NTRK2: variants seen among roughly 807,000 people sequenced by gnomAD.
The protein encoded by NTRK2 is neurotrophic receptor tyrosine kinase 2, also known as BDNF/NT-3 growth factors receptor.
In NTRK2, 13 loss-of-function variants were observed where a neutral mutation model predicts 94.5. The ratio of observed to expected loss-of-function variants is 0.14; its 90% confidence interval spans 0.09 to 0.22. The LOEUF is 0.22. Among genes scored for constraint, NTRK2 ranks in the 10% least tolerant of loss-of-function variants. The pLI is 1.00. For synonymous variants in NTRK2, 372 were observed against 407.4 expected, an observed-to-expected ratio of 0.91 and a Z score of 1.05; for missense variants, 639 against 1,071.2, an observed-to-expected ratio of 0.60 and a Z score of 5.63.
intron 17 of NTRK2, among the ~76,000 whole-genome samples, chr9:84,956,794 T>C (rs1445152145): frequency 6.6e-6 from 1 of 152,092 alleles, no homozygotes; most frequent in Admixed American, 6.5e-5. Context: ...ATAATTAGTG[T>C]AAGAAAATTA....
intron 2 of NTRK2, among the ~76,000 whole-genome samples, chr9:84,698,641 C>T (rs1187338): frequency 0.51 from 77,838 of 152,008 alleles, 20,371 homozygotes; most frequent in East Asian, 0.6. Context: ...GTAGTTATAA[C>T]AATTTACACT....
chr9:84,717,503 A>G (rs2131923249), intron 6 of NTRK2, among the ~76,000 whole-genome samples: 1 of 152,370 alleles, frequency 6.6e-6, no homozygotes, highest in East Asian at 1.9e-4. Context: ...GGAGGCAGCC[A>G]GAATGCTCTG....
In NTRK2 at chr9:84,771,323, G is replaced by T. The variant is rs538721601; in HGVS notation, c.1396+19238G>T. Among the ~76,000 whole-genome samples, 4 of 152,310 alleles carry T rather than the reference G, an allele frequency of 2.6e-5. No individual in the cohort carries two copies. In the East Asian group the frequency reaches 7.7e-4, roughly 29 times the overall value. On this transcript the variant is annotated intron_variant, in intron 12 of 18. Transcript: ENST00000277120. ...TGTACCACAGTGCTGTTTAGAAAAT[G>T]ACTTCCTCGGCCCTGAAATGGACCA... is the stretch of plus-strand genomic sequence containing the variant.
intron 8 of NTRK2, 30 bp downstream of exon 8, chr9:84,724,386 A>G (rs1458102670): frequency 1.2e-6 from 2 of 1,613,934 alleles, no homozygotes; most frequent in Non-Finnish European, 1.7e-6. Context: ...TGTGTTTTTA[A>G]TAGCAAATGA....
chr9:84,873,109 G>A (rs777125822), intron 14 of NTRK2: 34 of 1,064,554 alleles, frequency 3.2e-5, no homozygotes, highest in Non-Finnish European at 3.8e-5. Context: ...GCAGACTTCA[G>A]TGCAATCGAA....
intron 12 of NTRK2, among the ~76,000 whole-genome samples, chr9:84,769,876 T>C (rs924081929): frequency 1.3e-5 from 2 of 152,222 alleles, no homozygotes; most frequent in Non-Finnish European, 2.9e-5. Context: ...GAAAAATGAC[T>C]TGATTTACAG....
chr9:84,824,751 C>G (rs1355565665), intron 12 of NTRK2, among the ~76,000 whole-genome samples: 2 of 152,172 alleles, frequency 1.3e-5, no homozygotes, highest in African/African-American at 4.8e-5. Context: ...AAAGGTGGAC[C>G]TTTTGGGGAA....
At position 85,021,398 on chromosome 9, in the gene NTRK2, G is replaced by A. The variant is rs138503321; in HGVS notation, c.2478G>A (p.Leu826=). 2.0e-3 allele frequency: 3,208 copies of A among 1,614,130 alleles called. 1 individual carries two copies. The highest frequency in any genetic ancestry group is 2.5e-3 in the Non-Finnish European group (2,924 of 1,180,020). Residue 826 remains leucine (L), a synonymous_variant, in exon 19 of 19, where the codon TTG becomes TTA. Transcript: ENST00000277120. The stretch of plus-strand genomic sequence containing the variant: ...GCATCCATACCCTCCTTCAGAACTT[G>A]GCCAAGGCATCTCCGGTCTACCTGG... ...IKGIHTLLQN[L]AKASPVYLDI... is the part of the protein sequence containing the mutation.
At position 84,955,487 on chromosome 9, in the gene NTRK2, C is replaced by T. The variant is rs1305330907; in HGVS notation, c.2142C>T (p.Ser714=). The T allele has an allele frequency of 1.9e-6, 3 of 1,614,186 alleles. No individual in the cohort carries two copies. The Admixed American group carries it at 5.0e-5, about 27-fold the overall frequency. ...TGAAAATCGGGGACTTTGGGATGTC[C>T]CGGGACGTGTACAGCACTGACTACT... ...LLVKIGDFGM[S]RDVYSTDYYR... is the part of the protein sequence containing the mutation. The change falls in exon 17 of 19, where the codon TCC becomes TCT. Residue 714 remains serine, a synonymous_variant. Transcript: ENST00000277120.
At chr9:84,902,805 C>T (rs369851072) in intron 14 of NTRK2, among the ~76,000 whole-genome samples, 2 of 152,278 alleles carry the variant, frequency 1.3e-5, no homozygotes, top group African/African-American at 4.8e-5. Flanking sequence ...AAACTCATTT[C>T]TGCTTCTATG....
At chr9:84,798,467 T>G (rs979555334) in intron 12 of NTRK2, among the ~76,000 whole-genome samples, 1 of 152,228 alleles carries the variant, frequency 6.6e-6, no homozygotes, top group Non-Finnish European at 1.5e-5. Flanking sequence ...ATTCTAGCAC[T>G]GAGTCTGCTG....
chr9:84,929,237 G>A (rs903725852), intron 14 of NTRK2, among the ~76,000 whole-genome samples: 1 of 152,114 alleles, frequency 6.6e-6, no homozygotes, highest in South Asian at 2.1e-4. Flanking sequence ...AAGACACATT[G>A]CGACACAATG....
At chr9:84,837,009 A>G (rs1052165346) in intron 12 of NTRK2, among the ~76,000 whole-genome samples, 1 of 149,710 alleles carries the variant, frequency 6.7e-6, no homozygotes, top group African/African-American at 2.4e-5. Flanking sequence ...ACTATAACAG[A>G]AATTCAATGA....
chr9:84,756,806 G>T (rs2065126369), intron 12 of NTRK2, among the ~76,000 whole-genome samples: 1 of 152,138 alleles, frequency 6.6e-6, no homozygotes, highest in South Asian at 2.1e-4. Context: ...ACTAGTAAAG[G>T]CTGGAAAGCT....
At chr9:84,797,338 G>T (rs1448704830) in intron 12 of NTRK2, among the ~76,000 whole-genome samples, 1 of 151,174 alleles carries the variant, frequency 6.6e-6, no homozygotes, top group Non-Finnish European at 1.5e-5. Flanking sequence ...GGCAGAAATG[G>T]AATGACCTGA....
At chr9:84,731,607 A>G (rs534124055) in intron 9 of NTRK2, among the ~76,000 whole-genome samples, 7 of 152,280 alleles carry the variant, frequency 4.6e-5, no homozygotes, top group East Asian at 3.9e-4. Flanking sequence ...GAATGGACCA[A>G]TTGGATGTAA....
At chr9:84,710,200 G>T (rs1483102973) in intron 5 of NTRK2, among the ~76,000 whole-genome samples, 1 of 152,184 alleles carries the variant, frequency 6.6e-6, no homozygotes, top group Admixed American at 6.5e-5. Flanking sequence ...CCCTGCTGAA[G>T]TTTGAGCTTA....
chr9:84,997,999 C>A (rs945844546), intron 17 of NTRK2, among the ~76,000 whole-genome samples: 2 of 152,224 alleles, frequency 1.3e-5, no homozygotes, highest in African/African-American at 4.8e-5. Flanking sequence ...CAGCATCTTG[C>A]CTGCCTTACA....
At chr9:84,990,963 C>T (rs868201577) in intron 17 of NTRK2, among the ~76,000 whole-genome samples, 2 of 152,192 alleles carry the variant, frequency 1.3e-5, no homozygotes, top group Non-Finnish European at 2.9e-5. Context: ...ATAAAGGCTC[C>T]GAATGCTGTT....
Sources: gnomAD v4.1 joint callset for allele counts (sites outside exome capture counted in the v4.1 genomes callset) on GRCh38, gnomAD v4.1.1 for gene constraint, MANE v1.5 for transcripts, NCBI Gene and HGNC (gene_info 2026-07-23, HGNC 2026-07-21) for gene names.